Variants in YJU2B observed in about 807,000 individuals in gnomAD.
YJU2B encodes the protein probable splicing factor YJU2B.
YJU2B carries 18 observed loss-of-function variants against 38.0 expected under a neutral mutation model. The ratio of observed to expected loss-of-function variants is 0.47; its 90% CI spans 0.33 to 0.70. The LOEUF (loss-of-function observed/expected upper bound fraction) is 0.70, where lower values mean the gene tolerates loss of function less well. Ranked by LOEUF, YJU2B falls within the 30% of genes least tolerant of loss-of-function variation. YJU2B has a pLI of 0.02. For missense variants in YJU2B, 538 were observed against 556.3 expected, an observed-to-expected ratio of 0.97 and a Z score of 0.33; for synonymous variants, 246 against 225.4, an observed-to-expected ratio of 1.09 and a Z score of -0.82.
At chr19:13,733,613 C>T (rs186166542) in intron 2 of YJU2B, among the ~76,000 whole-genome samples, 2 of 152,032 alleles carry the variant, frequency 1.3e-5, no homozygotes, top group African/African-American at 2.4e-5. Flanking sequence ...CCCAGCTACT[C>T]GGGAGGCTGA....
Position 13,762,382 on chromosome 19 carries a change from C to G in YJU2B, c.657C>G (p.Pro219=), listed in dbSNP as rs1343401312. The G allele has an allele frequency of 1.2e-6, 2 of 1,613,846 alleles. No homozygotes were observed. The highest frequency in any genetic ancestry group is 1.1e-5 in the South Asian group (1 of 91,082). The change falls in exon 9 of 10, where the codon CCC becomes CCG. Residue 219 remains proline (P), a synonymous_variant. Coordinates refer to ENST00000221554, the MANE Select transcript of YJU2B (RefSeq NM_030818.4). ...AKASLTIPLV[P]ETEDDRKLAA... Reference sequence around the variant, plus strand: ...CGAGCCTGACCATCCCGCTGGTGCCCGAGACGGAAGATGACCGCAAGCTGG... The same window carrying G: ...CGAGCCTGACCATCCCGCTGGTGCCGGAGACGGAAGATGACCGCAAGCTGG...
chr19:13,760,288 T>G (rs1453459357), intron 8 of YJU2B, among the ~76,000 whole-genome samples: 1 of 152,114 alleles, frequency 6.6e-6, no homozygotes, highest in Non-Finnish European at 1.5e-5. Context: ...ATCAAGGCGC[T>G]GGCAGATCCA....
chr19:13,751,514 T>G, intron 1 of YJU2B, 94 bp from the exon 2 acceptor site: 2 of 449,452 alleles, frequency 4.4e-6, no homozygotes, highest in East Asian at 3.7e-5. Context: ...TGATGATGGG[T>G]GCTGGACCCG....
intron 2 of YJU2B, among the ~76,000 whole-genome samples, chr19:13,742,327 C>T (rs75399260): frequency 0.01 from 1,110 of 107,260 alleles, 16 homozygotes; most frequent in African/African-American, 0.031. Flanking sequence ...TTTTTTGAGA[C>T]GGAGTCTCAC....
upstream of YJU2B, among the ~76,000 whole-genome samples, chr19:13,743,104 G>A (rs973653322): frequency 6.7e-6 from 1 of 149,760 alleles, no homozygotes; most frequent in African/African-American, 2.6e-5. Context: ...AATCAGGGCA[G>A]CTCATGCTTA....
intron 2 of YJU2B, among the ~76,000 whole-genome samples, chr19:13,753,237 G>A (rs1973536548): frequency 6.6e-6 from 1 of 152,160 alleles, no homozygotes; most frequent in African/African-American, 2.4e-5. Context: ...TAGGTTTCCT[G>A]GAGGGAGCCT....
chr19:13,739,342 A>G (rs1973035056), intron 2 of YJU2B, among the ~76,000 whole-genome samples: 2 of 152,086 alleles, frequency 1.3e-5, no homozygotes, highest in Non-Finnish European at 2.9e-5. Flanking sequence ...TTTTATAGAG[A>G]CAGGGTCTCC....
intron 2 of YJU2B, among the ~76,000 whole-genome samples, chr19:13,741,321 A>AT (rs984895643): frequency 6.6e-6 from 1 of 150,386 alleles, no homozygotes; most frequent in Admixed American, 6.6e-5. Context: ...TGCCTGGCTA[A>AT]TTTTTGTATT....
At chr19:13,757,040 C>G (rs998325073) in intron 4 of YJU2B, among the ~76,000 whole-genome samples, 3 of 151,746 alleles carry the variant, frequency 2.0e-5, no homozygotes, top group African/African-American at 7.3e-5. Flanking sequence ...ACTTGGGAGG[C>G]TGAGGCATAA....
At chr19:13,755,789 TTAC>T (rs1294416829) in intron 3 of YJU2B, among the ~76,000 whole-genome samples, 5 of 151,544 alleles carry the variant, frequency 3.3e-5, no homozygotes, top group Non-Finnish European at 7.4e-5. Flanking sequence ...AACCCCGTCT[TTAC>T]TACAAATACA....
chr19:13,732,216 G>A (rs1392676765), exon 2 of YJU2B: 1 of 152,340 alleles, frequency 6.6e-6, no homozygotes, highest in East Asian at 1.9e-4. Flanking sequence ...CTCGCCCCAA[G>A]GGGATTGCCT....
intron 2 of YJU2B, among the ~76,000 whole-genome samples, chr19:13,742,294 CTTTTTTTTTTTTTTTT>C (rs552865402): frequency 0.011 from 1,225 of 111,996 alleles, 36 homozygotes; most frequent in African/African-American, 0.043. Flanking sequence ...TTGAGTCCCA[CTTTTTTTTTTTTTTTT>C]TTTTTTTTTT....
chr19:13,740,559 A>G (rs1481961778), intron 2 of YJU2B, among the ~76,000 whole-genome samples: 3 of 151,730 alleles, frequency 2.0e-5, no homozygotes, highest in African/African-American at 7.3e-5. Flanking sequence ...TTTTTATGTG[A>G]TGGAGTCTCG....
intron 2 of YJU2B, among the ~76,000 whole-genome samples, chr19:13,753,409 T>C (rs1973543810): frequency 6.6e-6 from 1 of 151,820 alleles, no homozygotes; most frequent in African/African-American, 2.4e-5. Context: ...TTGTCTGTAC[T>C]AAAAATACAA....
chr19:13,747,754 T>A (rs985671621), upstream of YJU2B: 1 of 152,354 alleles, frequency 6.6e-6, no homozygotes, highest in Non-Finnish European at 1.5e-5. Context: ...GTAAGCGCGG[T>A]TGGGCGGGGC....
In YJU2B at chr19:13,747,923, A is replaced by G. The variant is rs1423099998; in HGVS notation, c.-233A>G. ...GCGCTCTCAGCGCGCACTTCCGGGC[A>G]CGGTCAGGGCGTGACGTCGGGAGGA... On this transcript the variant is annotated 5_prime_UTR_variant, in exon 1 of 10. Coordinates refer to ENST00000221554, the MANE Select transcript of YJU2B (RefSeq NM_030818.4). 6.6e-6 allele frequency: 1 copy of G among 152,254 alleles called. No individual in the cohort carries two copies. Among genetic ancestry groups the G allele is most frequent in the Non-Finnish European group, 1.5e-5 (1 of 68,046 alleles). 9.4% of individuals were successfully genotyped at this position (152,254 alleles called of 1,614,324 possible).
At chr19:13,761,508 G>T (rs1392784068) in intron 8 of YJU2B, 1 of 152,478 alleles carries the variant, frequency 6.6e-6, no homozygotes, top group Non-Finnish European at 1.5e-5. Flanking sequence ...CTCCACCAGG[G>T]CAAGGGTTTT....
At chr19:13,751,586 G>A (rs927784705) in intron 1 of YJU2B, 22 bp from the exon 2 acceptor site, 39 of 579,826 alleles carry the variant, frequency 6.7e-5, no homozygotes, top group Non-Finnish European at 3.7e-5. Flanking sequence ...TAGAGTGGAC[G>A]GGACTCTCTC....
At chr19:13,737,879 T>C (rs1041252956) in intron 2 of YJU2B, among the ~76,000 whole-genome samples, 1 of 152,200 alleles carries the variant, frequency 6.6e-6, no homozygotes, top group African/African-American at 2.4e-5. Context: ...TGGGAAATAA[T>C]ATAAATGAGA....
Sources: allele counts gnomAD v4.1 joint callset (sites outside exome capture counted in the v4.1 genomes callset), GRCh38; gene constraint gnomAD v4.1.1; transcripts MANE v1.5; gene names NCBI Gene and HGNC (gene_info 2026-07-23, HGNC 2026-07-21).